Variants in PTPN13 observed in about 807,000 individuals in gnomAD.
The protein encoded by PTPN13 is protein tyrosine phosphatase non-receptor type 13.
In PTPN13, 191 loss-of-function variants were observed where a neutral mutation model predicts 284.0. The ratio of observed to expected loss-of-function variants is 0.67; its 90% confidence interval spans 0.60 to 0.76. The LOEUF (loss-of-function observed/expected upper bound fraction) is 0.76. Ranked by LOEUF, PTPN13 falls within the 30% of genes least tolerant of loss-of-function variation. PTPN13 has a pLI of 0.00. For missense variants in PTPN13, 2,797 were observed against 2,939.9 expected (o/e 0.95, Z 1.12); for synonymous variants, 986 against 1,022.3 (o/e 0.96, Z 0.68).
chr4:86,809,915 T>C lies in PTPN13; in HGVS notation c.7230T>C (p.Ala2410=), dbSNP rs749026180. 6.2e-7 allele frequency: 1 copy of C among 1,614,046 alleles called. No homozygotes were observed. Among genetic ancestry groups the C allele is most frequent in the Non-Finnish European group, 8.5e-7 (1 of 1,179,898 alleles). Residue 2410 remains alanine (A), a synonymous_variant, in exon 46 of 48, where the codon GCT becomes GCC. Coordinates refer to ENST00000411767, the MANE Select transcript of PTPN13 (RefSeq NM_080683.3). Reference sequence around the variant, plus strand: ...GCCCAATCATTACGCACTGCAGTGCTGGCATTGGACGTTCAGGGACCCTGA... The same window carrying C: ...GCCCAATCATTACGCACTGCAGTGCCGGCATTGGACGTTCAGGGACCCTGA... ...RSGPIITHCS[A]GIGRSGTLIC...
chr4:86,678,373 G>A (rs1390932544), intron 3 of PTPN13, among the ~76,000 whole-genome samples: 3 of 152,088 alleles, frequency 2.0e-5, no homozygotes, highest in Non-Finnish European at 2.9e-5. Context: ...GCCATTAAAA[G>A]TTTAAAAATT....
In PTPN13 at chr4:86,780,440, C is replaced by T. The variant is rs371776305; in HGVS notation, c.5930C>T (p.Ala1977Val). The T allele has an allele frequency of 3.7e-6, 6 of 1,611,052 alleles. No individual in the cohort carries two copies. Among genetic ancestry groups the T allele is most frequent in the African/African-American group, 1.3e-5 (1 of 74,876 alleles). Residue 1977 changes from alanine (A) to valine (V), a missense_variant, in exon 36 of 48, where the codon GCT (alanine) becomes GTT (valine). Ala to Val is a moderately conservative substitution (Grantham distance 64, BLOSUM62 0). Transcript: ENST00000411767. ...GTGGTCCCCAGCTCAAAGAGGTCTG[C>T]TGTTTCAGCTCCAAAGTCAACCAAA... ...LPVVPSSKRS[A>V]VSAPKSTKGN... is the part of the protein sequence containing the mutation.
chr4:86,745,876 G>T (rs1031314682), intron 17 of PTPN13, among the ~76,000 whole-genome samples: 5 of 152,162 alleles, frequency 3.3e-5, no homozygotes, highest in African/African-American at 1.2e-4. Context: ...TACTGGACAG[G>T]TGGCACTTGA....
At chr4:86,800,633 T>TA (rs973378274) in intron 42 of PTPN13, among the ~76,000 whole-genome samples, 2 of 141,952 alleles carry the variant, frequency 1.4e-5, no homozygotes, top group Non-Finnish European at 3.0e-5. Context: ...GCCTGGGTGA[T>TA]AGAGTGAGAT....
At chr4:86,711,098 C>CTTTTTT (rs58186398) in intron 7 of PTPN13, among the ~76,000 whole-genome samples, 43 of 97,100 alleles carry the variant, frequency 4.4e-4, no homozygotes, top group African/African-American at 1.3e-3. Flanking sequence ...TAATTATTGC[C>CTTTTTT]TTTTTTTTTT....
intron 20 of PTPN13, among the ~76,000 whole-genome samples, chr4:86,755,726 A>AT (rs1319104533): frequency 6.6e-6 from 1 of 152,026 alleles, no homozygotes; most frequent in Non-Finnish European, 1.5e-5. Flanking sequence ...GTTTTAGATG[A>AT]TTTTGTCCAA....
chr4:86,621,689 A>G (rs1324659838), intron 1 of PTPN13, among the ~76,000 whole-genome samples: 2 of 152,206 alleles, frequency 1.3e-5, no homozygotes, highest in African/African-American at 4.8e-5. Context: ...AATATAGAGT[A>G]AAGCACTGCA....
intron 1 of PTPN13, among the ~76,000 whole-genome samples, chr4:86,602,769 G>A (rs1346276863): frequency 1.3e-5 from 2 of 151,244 alleles, no homozygotes; most frequent in East Asian, 3.9e-4. Context: ...GGTTACTGCA[G>A]CACTTCAACC....
chr4:86,750,418 A>G (rs1737246204), intron 17 of PTPN13, 52 bp from the exon 18 acceptor site: 2 of 1,449,006 alleles, frequency 1.4e-6, no homozygotes, highest in African/African-American at 1.4e-5. Flanking sequence ...AATTATTCTC[A>G]TAAAAGTACT....
At chr4:86,769,532 C>T (rs1364622131) in intron 28 of PTPN13, among the ~76,000 whole-genome samples, 1 of 152,132 alleles carries the variant, frequency 6.6e-6, no homozygotes, top group Non-Finnish European at 1.5e-5. Context: ...TTTCAGAACT[C>T]TCCTTCCTAA....
At chr4:86,604,066 T>C (rs1021927995) in intron 1 of PTPN13, among the ~76,000 whole-genome samples, 1 of 152,080 alleles carries the variant, frequency 6.6e-6, no homozygotes, top group Non-Finnish European at 1.5e-5. Context: ...GTTTAGCTTT[T>C]GTGAAAACTG....
intron 40 of PTPN13, among the ~76,000 whole-genome samples, chr4:86,790,878 A>G (rs1301048601): frequency 6.6e-6 from 1 of 152,162 alleles, no homozygotes; most frequent in Non-Finnish European, 1.5e-5. Context: ...GGTCACTTCC[A>G]AAATGACCGA....
At position 86,625,753 on chromosome 4, in the gene PTPN13, C is replaced by T. The variant is rs1383991; in HGVS notation, c.-5-9499C>T. ...GGCTCCTAGAGGCCACCCTTAGGTC[C>T]TTGCGATATGCCCCACTACGTAGGC... is the stretch of plus-strand genomic sequence containing the variant. On this transcript the variant is annotated intron_variant, in intron 1 of 47. Transcript: ENST00000411767. Among the ~76,000 whole-genome samples the T allele has an allele frequency of 1.1e-3, 165 of 152,268 alleles. No homozygotes were observed. In the East Asian group the frequency reaches 0.021, roughly 19 times the overall value.
At position 86,752,998 on chromosome 4, in the gene PTPN13, T is replaced by G; in HGVS notation, c.3167-11T>G. On this transcript the variant is annotated splice_polypyrimidine_tract_variant and intron_variant, in intron 19 of 47. Transcript: ENST00000411767. The stretch of plus-strand genomic sequence containing the variant: ...TCTTATGAAATGTCTAATATTTAAT[T>G]TATGCCACAGGAATGACTATGCATA... 6.3e-7 allele frequency: 1 copy of G among 1,591,538 alleles called. No individual in the cohort carries two copies.
chr4:86,797,775 G>A (rs935360550), intron 41 of PTPN13, among the ~76,000 whole-genome samples: 3 of 151,394 alleles, frequency 2.0e-5, no homozygotes, highest in African/African-American at 7.3e-5. Flanking sequence ...AAAAAAGTAA[G>A]AAACCCACAA....
intron 2 of PTPN13, among the ~76,000 whole-genome samples, chr4:86,636,521 A>G (rs1385955623): frequency 6.6e-6 from 1 of 152,206 alleles, no homozygotes; most frequent in Non-Finnish European, 1.5e-5. Context: ...AGAAATAAGT[A>G]AGGATTGAGG....
chr4:86,620,569 TTCTC>T (rs1721102775), intron 1 of PTPN13, among the ~76,000 whole-genome samples: 2 of 152,228 alleles, frequency 1.3e-5, no homozygotes, highest in African/African-American at 2.4e-5. Context: ...TAGGACCTCT[TTCTC>T]CAAGTTTCAT....
At chr4:86,602,983 C>G (rs1764441520) in intron 1 of PTPN13, among the ~76,000 whole-genome samples, 1 of 152,136 alleles carries the variant, frequency 6.6e-6, no homozygotes, top group Non-Finnish European at 1.5e-5. Context: ...ACAGGATGAG[C>G]TGCCATGCCT....
At chr4:86,713,572 A>G (rs919618601) in intron 7 of PTPN13, among the ~76,000 whole-genome samples, 6 of 152,056 alleles carry the variant, frequency 3.9e-5, no homozygotes, top group African/African-American at 1.2e-4. Flanking sequence ...TGATTTTTCA[A>G]TTCTAAAACT....
Sources: gnomAD v4.1 joint callset for allele counts (sites outside exome capture counted in the v4.1 genomes callset) on GRCh38, gnomAD v4.1.1 for gene constraint, MANE v1.5 for transcripts, NCBI Gene and HGNC (gene_info 2026-07-23, HGNC 2026-07-21) for gene names.